TTK: variants seen among roughly 807,000 people sequenced by gnomAD.
The protein encoded by TTK is TTK protein kinase, also known as dual specificity protein kinase TTK.
Under a neutral mutation model 117.3 loss-of-function variants are expected in TTK, and 59 were observed. The ratio of observed to expected loss-of-function variants is 0.50; its 90% CI spans 0.41 to 0.62. The LOEUF is 0.62. Among genes scored for constraint, TTK ranks in the 20% least tolerant of loss-of-function variants. The pLI, the probability that TTK is intolerant of heterozygous loss-of-function variation, is 0.00. For synonymous variants in TTK, 302 were observed against 325.0 expected (o/e 0.93, Z 0.76); for missense variants, 921 against 989.4 (o/e 0.93, Z 0.93).
At chr6:80,031,657 AG>A in intron 14 of TTK, 98 bp downstream of exon 14, 1 of 879,256 alleles carries the variant, frequency 1.1e-6, no homozygotes, top group Non-Finnish European at 1.6e-6. Context: ...CTTTACTTCT[AG>A]GGGCGATGCT....
chr6:80,028,130 C>A, intron 13 of TTK, 119 bp downstream of exon 13: 1 of 1,104,132 alleles, frequency 9.1e-7, no homozygotes. Flanking sequence ...CTTATTTCCA[C>A]TAGACAAAAC....
chr6:80,035,031 A>T lies in TTK; in HGVS notation c.1661A>T (p.Tyr554Phe). The change falls in exon 15 of 22, where the codon TAT (tyrosine) becomes TTT (phenylalanine). Residue 554 changes from tyrosine (Y) to phenylalanine (F), a missense_variant. Coordinates refer to ENST00000369798, the MANE Select transcript of TTK (RefSeq NM_003318.5). ...NEKKQIYAIK[Y>F]VNLEEADNQT... ...AAGAAACAGATATATGCTATAAAAT[A>T]TGTGAACTTAGAAGAAGCAGATAAC... is the stretch of plus-strand genomic sequence containing the variant. 6.3e-7 allele frequency: 1 copy of T among 1,595,416 alleles called. No individual in the cohort carries two copies. Among genetic ancestry groups the T allele is most frequent in the Non-Finnish European group, 8.5e-7 (1 of 1,174,646 alleles).
At chr6:80,010,022 T>G (rs1399952336) in intron 4 of TTK, among the ~76,000 whole-genome samples, 1 of 152,102 alleles carries the variant, frequency 6.6e-6, no homozygotes, top group Non-Finnish European at 1.5e-5. Flanking sequence ...TTTAAAAATT[T>G]ATAAACTACC....
chr6:80,012,122 G>T, intron 8 of TTK, 142 bp downstream of exon 8: 1 of 654,636 alleles, frequency 1.5e-6, no homozygotes, highest in Non-Finnish European at 2.4e-6. Flanking sequence ...AATGTTGTCA[G>T]GAACAAAGGA....
chr6:80,040,116 G>A (rs1211017167), intron 19 of TTK, 80 bp from the exon 20 acceptor site: 5 of 1,151,648 alleles, frequency 4.3e-6, no homozygotes, highest in Non-Finnish European at 5.9e-6. Flanking sequence ...ATAATATAAT[G>A]TAATCTGGAA....
intron 13 of TTK, among the ~76,000 whole-genome samples, chr6:80,029,688 AC>A (rs1186005288): frequency 6.6e-6 from 1 of 152,098 alleles, no homozygotes; most frequent in Non-Finnish European, 1.5e-5. Flanking sequence ...CTTAAGTTTT[AC>A]CCTAAGAGGG....
intron 14 of TTK, among the ~76,000 whole-genome samples, chr6:80,033,727 C>T (rs896886062): frequency 1.3e-5 from 2 of 151,572 alleles, no homozygotes; most frequent in Non-Finnish European, 2.9e-5. Flanking sequence ...ATAAGGCTGT[C>T]TTATTAACTT....
At chr6:80,024,178 G>T (rs1215455244) in intron 11 of TTK, among the ~76,000 whole-genome samples, 4 of 152,298 alleles carry the variant, frequency 2.6e-5, no homozygotes, top group African/African-American at 9.6e-5. Context: ...AAATGGTGCA[G>T]TCATTTTGGA....
At chr6:80,042,032 ATTTAG>A in intron 21 of TTK, 82 bp from the exon 22 acceptor site, 1 of 677,898 alleles carries the variant, frequency 1.5e-6, no homozygotes, top group Non-Finnish European at 2.4e-6. Flanking sequence ...AATGTATTAT[ATTTAG>A]AATACATCAA....
chr6:80,039,909 A>C, intron 19 of TTK, 37 bp downstream of exon 19: 1 of 1,396,998 alleles, frequency 7.2e-7, no homozygotes, highest in Non-Finnish European at 9.5e-7. Context: ...ATTTACTTAA[A>C]AGAAATAGTT....
At chr6:80,011,302 A>G in intron 5 of TTK, 132 bp from the exon 6 acceptor site, 1 of 564,320 alleles carries the variant, frequency 1.8e-6, no homozygotes, top group Non-Finnish European at 3.0e-6. Flanking sequence ...TATCATCTTC[A>G]TGTCTGCATA....
chr6:80,036,249 C>T (rs1489105048), intron 16 of TTK, among the ~76,000 whole-genome samples: 2 of 152,058 alleles, frequency 1.3e-5, no homozygotes, highest in Non-Finnish European at 2.9e-5. Flanking sequence ...AATACTTCAG[C>T]ATTGATGTGA....
chr6:80,026,136 G>A (rs150811766), intron 11 of TTK, among the ~76,000 whole-genome samples: 81 of 152,192 alleles, frequency 5.3e-4, no homozygotes, highest in African/African-American at 1.9e-3. Flanking sequence ...GTAATTTTGT[G>A]TGCCTTCCCT....
intron 19 of TTK, 148 bp downstream of exon 19, chr6:80,040,020 G>A (rs966958789): frequency 1.0e-6 from 1 of 1,000,078 alleles, no homozygotes; most frequent in Non-Finnish European, 1.4e-6. Flanking sequence ...TTTAAAGCTT[G>A]TAAATACTTG....
In TTK at chr6:80,034,518, G is replaced by A. The variant is rs548361976; in HGVS notation, c.1615-467G>A. On this transcript the variant is annotated intron_variant, in intron 14 of 21. Transcript: ENST00000369798. Reference sequence around the variant, plus strand: ...AACTTTTTTATTTTTCCTTGAGACCGTGTCTCACTATTTTGCCGAGGCTGG... The same window carrying A: ...AACTTTTTTATTTTTCCTTGAGACCATGTCTCACTATTTTGCCGAGGCTGG... 3.2e-4 allele frequency among the ~76,000 whole-genome samples: 49 copies of A among 152,200 alleles called. No individual in the cohort carries two copies. The South Asian group carries it at 8.9e-3, about 28-fold the overall frequency.
In TTK at chr6:80,026,528, C is replaced by T; in HGVS notation, c.1394+14C>T. 6.2e-7 allele frequency: 1 copy of T among 1,612,514 alleles called. No individual in the cohort carries two copies. Among genetic ancestry groups the T allele is most frequent in the Non-Finnish European group, 8.5e-7 (1 of 1,179,396 alleles). On this transcript the variant is annotated intron_variant, in intron 12 of 21. Transcript: ENST00000369798. ...TTACATGAGCTGGTAATTACTTTGG[C>T]CCCTTGCTTGATTGGCAGGGTGGTA... is the stretch of plus-strand genomic sequence containing the variant.
intron 10 of TTK, among the ~76,000 whole-genome samples, chr6:80,015,875 A>G (rs985395986): frequency 6.6e-6 from 1 of 152,168 alleles, no homozygotes; most frequent in African/African-American, 2.4e-5. Context: ...TGTAACCAAT[A>G]GCCAGATCAA....
chr6:80,037,990 A>C lies in TTK; in HGVS notation c.2073A>C (p.Pro691=), dbSNP rs918960811. ...AGGTTGGCACAGTTAATTATATGCC[A>C]CCAGAAGCAATCAAAGATATGTCTT... ...DSQVGTVNYM[P]PEAIKDMSSS... is the part of the protein sequence containing the mutation. The change falls in exon 18 of 22, where the codon CCA becomes CCC. Residue 691 remains proline (P), a synonymous_variant. Coordinates refer to ENST00000369798, the MANE Select transcript of TTK (RefSeq NM_003318.5). 6.2e-7 allele frequency: 1 copy of C among 1,610,548 alleles called. No individual in the cohort carries two copies. The highest frequency in any genetic ancestry group is 1.3e-5 in the African/African-American group (1 of 74,762).
intron 13 of TTK, among the ~76,000 whole-genome samples, chr6:80,030,285 A>G (rs922216031): frequency 1.3e-5 from 2 of 152,202 alleles, no homozygotes; most frequent in Non-Finnish European, 2.9e-5. Context: ...CAAAGCATTT[A>G]TAGGTACACA....
Sources: allele counts gnomAD v4.1 joint callset (sites outside exome capture counted in the v4.1 genomes callset), GRCh38; gene constraint gnomAD v4.1.1; transcripts MANE v1.5; gene names NCBI Gene and HGNC (gene_info 2026-07-23, HGNC 2026-07-21).